MARCHF4: variants seen among roughly 807,000 people sequenced by gnomAD.
MARCHF4 encodes E3 ubiquitin-protein ligase MARCHF4.
In MARCHF4, 14 loss-of-function variants were observed where a neutral mutation model predicts 43.9. That is an observed-to-expected ratio of 0.32 (90% CI 0.21 to 0.50). The LOEUF (loss-of-function observed/expected upper bound fraction) is 0.50, where lower values mean the gene tolerates loss of function less well. Ranked by LOEUF, MARCHF4 falls within the 20% of genes least tolerant of loss-of-function variation. The pLI, the probability that MARCHF4 is intolerant of heterozygous loss-of-function variation, is 0.98. For synonymous variants in MARCHF4, 226 were observed against 213.3 expected, an observed-to-expected ratio of 1.06 and a Z score of -0.52; for missense variants, 468 against 536.7, an observed-to-expected ratio of 0.87 and a Z score of 1.27.
rs568930107 is a variant in MARCHF4 at position 216,350,318 on chromosome 2, A to G, written c.516+19427T>C. The stretch of plus-strand genomic sequence containing the variant: ...ACCCCCTCACTGTGCCACACCCCTC[A>G]CTGTGCCACACCCCCTCACCATGCC... On this transcript the variant is annotated intron_variant, in intron 1 of 3. Coordinates refer to ENST00000273067, the MANE Select transcript of MARCHF4 (RefSeq NM_020814.3). 5.0e-5 allele frequency among the ~76,000 whole-genome samples: 4 copies of G among 79,748 alleles called. No individual in the cohort carries two copies. The South Asian group carries it at 1.5e-3, about 29-fold the overall frequency. The allele number at this position is 79,748 out of a possible 152,430, so 52.3% of individuals were successfully genotyped here. A position where few individuals can be genotyped will look rare whatever the true frequency, so the allele number is the denominator to read the frequency against.
chr2:216,366,547 C>A (rs906376147), intron 1 of MARCHF4, among the ~76,000 whole-genome samples: 1 of 152,184 alleles, frequency 6.6e-6, no homozygotes, highest in African/African-American at 2.4e-5. Context: ...TTCCAACATG[C>A]TAAGCTCGTT....
chr2:216,273,348 T>A (rs1399660551), intron 3 of MARCHF4, among the ~76,000 whole-genome samples: 2 of 152,244 alleles, frequency 1.3e-5, no homozygotes, highest in Non-Finnish European at 2.9e-5. Context: ...TAGAGACTCA[T>A]CGCAGCAGAT....
chr2:216,279,899 C>G (rs1691100857), intron 2 of MARCHF4, among the ~76,000 whole-genome samples: 1 of 152,158 alleles, frequency 6.6e-6, no homozygotes, highest in Admixed American at 6.5e-5. Context: ...GGAAAGAGGG[C>G]TTCTGGCTGA....
intron 3 of MARCHF4, among the ~76,000 whole-genome samples, chr2:216,274,965 C>T (rs918651091): frequency 1.1e-4 from 16 of 152,210 alleles, no homozygotes; most frequent in African/African-American, 3.9e-4. Context: ...TTTTGGATGA[C>T]ACTGAAAGCA....
intron 1 of MARCHF4, among the ~76,000 whole-genome samples, chr2:216,308,579 G>A (rs1691628503): frequency 6.6e-6 from 1 of 152,192 alleles, no homozygotes; most frequent in South Asian, 2.1e-4. Context: ...TGCCTAAGGT[G>A]TGGCTTGTAA....
At chr2:216,310,161 C>T (rs1691661134) in intron 1 of MARCHF4, among the ~76,000 whole-genome samples, 2 of 152,232 alleles carry the variant, frequency 1.3e-5, no homozygotes, top group Non-Finnish European at 2.9e-5. Context: ...CTCAACTTTG[C>T]TACCAAGTGG....
At chr2:216,286,922 C>T (rs1363085615) in intron 1 of MARCHF4, among the ~76,000 whole-genome samples, 2 of 152,160 alleles carry the variant, frequency 1.3e-5, no homozygotes, top group Admixed American at 6.5e-5. Context: ...GATGAATTCT[C>T]GCCCCCTCTA....
At chr2:216,327,806 T>A (rs1397397263) in intron 1 of MARCHF4, among the ~76,000 whole-genome samples, 2 of 152,150 alleles carry the variant, frequency 1.3e-5, no homozygotes, top group African/African-American at 4.8e-5. Context: ...AGGCAGAGGG[T>A]AAGCACTATT....
intron 1 of MARCHF4, among the ~76,000 whole-genome samples, chr2:216,312,873 C>A (rs781422718): frequency 6.6e-6 from 1 of 150,806 alleles, no homozygotes; most frequent in African/African-American, 2.4e-5. Context: ...TGTGCAGAAG[C>A]TTTTTTGGTT....
chr2:216,368,608 C>A (rs1275941163), intron 1 of MARCHF4, among the ~76,000 whole-genome samples: 2 of 152,220 alleles, frequency 1.3e-5, no homozygotes, highest in Admixed American at 6.5e-5. Flanking sequence ...TCAGCAAGAA[C>A]CAGAGCCAGT....
At chr2:216,315,965 G>C (rs985331270) in intron 1 of MARCHF4, among the ~76,000 whole-genome samples, 7 of 152,202 alleles carry the variant, frequency 4.6e-5, no homozygotes, top group African/African-American at 1.7e-4. Context: ...GAGCCCTCCA[G>C]AGCAGGGCTA....
chr2:216,259,074 T>G lies in MARCHF4; in HGVS notation c.*238A>C. On this transcript the variant is annotated 3_prime_UTR_variant, in exon 4 of 4. Coordinates refer to ENST00000273067, the MANE Select transcript of MARCHF4 (RefSeq NM_020814.3). ...GGCCAGGTTCAGCCTGTATTGCACT[T>G]TGTTGTTGAGTTGGTGTTGGTTTTC... 2.3e-5 allele frequency: 9 copies of G among 393,794 alleles called. No homozygotes were observed. The highest frequency in any genetic ancestry group is 4.0e-5 in the East Asian group (1 of 24,940). The allele number at this position is 393,794 out of a possible 1,614,324, so 24.4% of individuals were successfully genotyped here.
chr2:216,323,875 T>C (rs1691945421), intron 1 of MARCHF4, among the ~76,000 whole-genome samples: 1 of 151,886 alleles, frequency 6.6e-6, no homozygotes, highest in African/African-American at 2.4e-5. Context: ...AGATCTAAAA[T>C]TGACACCCTA....
chr2:216,293,351 T>C (rs565870871), intron 1 of MARCHF4, among the ~76,000 whole-genome samples: 1 of 152,098 alleles, frequency 6.6e-6, no homozygotes, highest in Admixed American at 6.5e-5. Context: ...TGTTGCAAGA[T>C]AATTTGATTA....
At chr2:216,282,661 G>A (rs746382791) in intron 2 of MARCHF4, among the ~76,000 whole-genome samples, 6 of 151,970 alleles carry the variant, frequency 3.9e-5, no homozygotes, top group Non-Finnish European at 8.8e-5. Flanking sequence ...TTGATTTGGG[G>A]CATTTGTGAG....
chr2:216,320,169 G>A lies in MARCHF4; in HGVS notation c.517-36440C>T, dbSNP rs901289666. On this transcript the variant is annotated intron_variant, in intron 1 of 3. Transcript: ENST00000273067. ...AAGGGACTCATTATTAAACAAACCC[G>A]TAAACTATATCAGCTGTTAAGGTAT... Among the ~76,000 whole-genome samples the A allele has an allele frequency of 3.3e-5, 5 of 152,168 alleles. 1 individual carries two copies. Among genetic ancestry groups the A allele is most frequent in the East Asian group, 1.9e-4 (1 of 5,198 alleles).
intron 1 of MARCHF4, among the ~76,000 whole-genome samples, chr2:216,304,097 T>A (rs1691541929): frequency 6.6e-6 from 1 of 152,166 alleles, no homozygotes; most frequent in Admixed American, 6.5e-5. Context: ...CTCAGGTTAC[T>A]GGAAAGATTT....
chr2:216,273,166 T>C (rs1370701), intron 3 of MARCHF4, among the ~76,000 whole-genome samples: 18,620 of 152,266 alleles, frequency 0.12, 1,212 homozygotes, highest in South Asian at 0.24. Flanking sequence ...TCCCTCCTAC[T>C]TTCATGAGCT....
intron 1 of MARCHF4, among the ~76,000 whole-genome samples, chr2:216,297,832 A>T (rs1041583100): frequency 6.6e-6 from 1 of 152,162 alleles, no homozygotes; most frequent in Admixed American, 6.5e-5. Flanking sequence ...ATTCAGCGGC[A>T]TTGGTTGAGC....
Sources: allele counts gnomAD v4.1 joint callset (sites outside exome capture counted in the v4.1 genomes callset), GRCh38; gene constraint gnomAD v4.1.1; transcripts MANE v1.5; gene names NCBI Gene and HGNC (gene_info 2026-07-23, HGNC 2026-07-21).